The following PELP1 variants were observed in gnomAD, a reference collection of about 807,000 sequenced individuals.
PELP1 encodes proline-, glutamic acid- and leucine-rich protein 1.
In PELP1, 32 loss-of-function variants were observed where a neutral mutation model predicts 95.5. That is an observed-to-expected ratio of 0.34 (90% confidence interval 0.25 to 0.45). PELP1 has a LOEUF of 0.45. Ranked by LOEUF, PELP1 falls within the 20% of genes least tolerant of loss-of-function variation. The pLI is 1.00. For missense variants in PELP1, 1,358 were observed against 1,444.8 expected (o/e 0.94, Z 0.97); for synonymous variants, 668 against 600.1 (o/e 1.11, Z -1.65).
chr17:4,698,391 G>C (rs1403507448), intron 1 of PELP1, among the ~76,000 whole-genome samples: 1 of 151,796 alleles, frequency 6.6e-6, no homozygotes, highest in Non-Finnish European at 1.5e-5. Context: ...CCAGCACTTC[G>C]GGAGGACAAC....
rs776262490 is a variant in PELP1, at chr17:4,676,125, C to T, written c.891G>A (p.Leu297=). The T allele has an allele frequency of 1.2e-6, 2 of 1,614,006 alleles. No individual in the cohort carries two copies. Among genetic ancestry groups the T allele is most frequent in the South Asian group, 1.1e-5 (1 of 91,086 alleles). Residue 297 remains leucine, a synonymous_variant, in exon 8 of 17, where the codon CTG becomes CTA. Transcript: ENST00000572293. The part of the protein sequence containing the change: ...VQNEGPGVEM[L]LSSEDGDAHV... ...GGGCATCACCATCTTCTGAGGACAG[C>T]AGCATCTCCACCCCAGGGCCTTCAT...
Position 4,674,512 on chromosome 17 carries a change from CT to C in PELP1, c.1579del (p.Arg527GlufsTer39). On this transcript the variant is annotated frameshift_variant, in exon 13 of 17. Transcript: ENST00000572293. LOFTEE classifies it high-confidence loss of function. ...ANSDVCAAAL[R>X]GLSRTILMCG... ...TCCAGGGCACAGGCCTCACCCACCT[CT>C]GAGTGCAGCCGCACACACGTCGCTG... 1 of 1,612,296 alleles carries C rather than the reference CT, an allele frequency of 6.2e-7. No individual in the cohort carries two copies. Among genetic ancestry groups the C allele is most frequent in the Non-Finnish European group, 8.5e-7 (1 of 1,179,302 alleles).
Position 4,694,310 on chromosome 17 carries a change from C to T in PELP1, c.250-2868G>A, listed in dbSNP as rs182661124. 3.6e-4 allele frequency among the ~76,000 whole-genome samples: 54 copies of T among 151,782 alleles called. No homozygotes were observed. The East Asian group carries it at 9.5e-3, about 27-fold the overall frequency. On this transcript the variant is annotated intron_variant, in intron 1 of 16. Coordinates refer to ENST00000572293, the MANE Select transcript of PELP1 (RefSeq NM_014389.3). ...TTCCAAAACTGAGCACAGCAATGAC[C>T]GCACAACTCTGCAAATATACTAAAT...
chr17:4,684,963 T>C (rs1311634865), intron 3 of PELP1, among the ~76,000 whole-genome samples: 1 of 152,174 alleles, frequency 6.6e-6, no homozygotes, highest in Non-Finnish European at 1.5e-5. Flanking sequence ...CCTCCCAAAG[T>C]GCTGGGATTA....
Position 4,675,737 on chromosome 17 carries a change from C to G in PELP1, c.1068+60G>C, listed in dbSNP as rs778045966. ...TTTGGGGAGACTCAGGTCCCCAGTACTTTCCTGGTTGCCTGGTATCCTGAG... is the reference window on the plus strand; with the variant it reads ...TTTGGGGAGACTCAGGTCCCCAGTAGTTTCCTGGTTGCCTGGTATCCTGAG... On this transcript the variant is annotated intron_variant, in intron 9 of 16. Coordinates refer to ENST00000572293, the MANE Select transcript of PELP1 (RefSeq NM_014389.3). This position sits in a 1 kb window ranked among gnomAD's most constrained non-coding sequence, Gnocchi z 4.3. The G allele has an allele frequency of 1.6e-6, 2 of 1,249,830 alleles. No individual in the cohort carries two copies. The highest frequency in any genetic ancestry group is 2.3e-6 in the Non-Finnish European group (2 of 870,942). The allele number at this position is 1,249,830 out of a possible 1,614,324, so 77.4% of individuals were successfully genotyped here.
In PELP1 at chr17:4,673,855, G is replaced by T; in HGVS notation, c.1583-181C>A. ...ACCTCTACTGTATAGGGCCACTGAC[G>T]GTATTTAATTGAGACAATGTAAGTA... On this transcript the variant is annotated intron_variant, in intron 13 of 16. Transcript: ENST00000572293. This position sits in a 1 kb window ranked among gnomAD's most constrained non-coding sequence, Gnocchi z 5.7. 1 of 581,642 alleles carries T rather than the reference G, an allele frequency of 1.7e-6. No homozygotes were observed. The highest frequency in any genetic ancestry group is 2.4e-5 in the South Asian group (1 of 41,438). The allele number at this position is 581,642 out of a possible 1,614,324, so 36.0% of individuals were successfully genotyped here.
chr17:4,672,521 G>A lies in PELP1; in HGVS notation c.2470C>T (p.Pro824Ser), dbSNP rs1221396189. Residue 824 changes from proline (P) to serine (S), a missense_variant, in exon 16 of 17, where the codon CCA becomes TCA. Physicochemically the swap from Pro to Ser is moderately conservative, Grantham distance 74 (BLOSUM62 -1). Around this residue, in one of 7 missense-constraint regions of PELP1, gnomAD observed 340 missense variants for 322.9 expected, o/e 1.05. Coordinates refer to ENST00000572293, the MANE Select transcript of PELP1 (RefSeq NM_014389.3). ...TGPPTASPPV[P>S]AKEEPEELPA... ...AGTTCTTCAGGCTCCTCCTTCGCTG[G>A]CACAGGAGGGGAGGCTGTTGGTGGC... 3.0e-5 allele frequency: 43 copies of A among 1,430,334 alleles called. No individual in the cohort carries two copies. The highest frequency in any genetic ancestry group is 3.9e-5 in the Non-Finnish European group (42 of 1,072,256). The allele number at this position is 1,430,334 out of a possible 1,614,324, so 88.6% of individuals were successfully genotyped here. A position where few individuals can be genotyped will look rare whatever the true frequency, so the allele number is the denominator to read the frequency against.
At position 4,683,829 on chromosome 17, in the gene PELP1, C is replaced by CTTTT. The variant is rs994295435; in HGVS notation, c.421-881_421-878dup. Reference sequence around the variant, plus strand: ...ACAGGCGTGAGCCACAGTGCCCAGCCTTTTTTTTTTTTTTTTTTTTTTTTT... The same window carrying CTTTT: ...ACAGGCGTGAGCCACAGTGCCCAGCCTTTTTTTTTTTTTTTTTTTTTTTTTTTTT... On this transcript the variant is annotated intron_variant, in intron 3 of 16. Transcript: ENST00000572293. Among the ~76,000 whole-genome samples the CTTTT allele has an allele frequency of 7.7e-5, 7 of 91,294 alleles. 1 individual carries two copies. The highest frequency in any genetic ancestry group is 1.2e-4 in the Admixed American group (1 of 8,428). 59.9% of individuals were successfully genotyped at this position (91,294 alleles called of 152,430 possible). A position where few individuals can be genotyped will look rare whatever the true frequency, so the allele number is the denominator to read the frequency against.
At chr17:4,687,188 G>C (rs1283370011) in intron 3 of PELP1, among the ~76,000 whole-genome samples, 5 of 152,164 alleles carry the variant, frequency 3.3e-5, no homozygotes, top group African/African-American at 1.2e-4. Flanking sequence ...AAGAACTATA[G>C]TCTTTACCTC....
At chr17:4,695,694 T>G (rs1020680639) in intron 1 of PELP1, among the ~76,000 whole-genome samples, 1 of 109,442 alleles carries the variant, frequency 9.1e-6, no homozygotes, top group Admixed American at 9.4e-5. Context: ...AAAAAAAAAA[T>G]CTGGCAGGGG....
At position 4,674,839 on chromosome 17, in the gene PELP1, G is replaced by A. The variant is rs73332467; in HGVS notation, c.1392C>T (p.Ser464=). Residue 464 remains serine, a synonymous_variant, in exon 12 of 17, where the codon AGC becomes AGT. Coordinates refer to ENST00000572293, the MANE Select transcript of PELP1 (RefSeq NM_014389.3). ...GGGCATCAGCTGGCGGGGAGATGTC[G>A]CTGAGCAGGTGGGTGAGCAGGGCCT... is the stretch of plus-strand genomic sequence containing the variant. ...SGEALLTHLL[S]DISPPADALK... The A allele has an allele frequency of 3.0e-5, 48 of 1,612,966 alleles. No homozygotes were observed. The highest frequency in any genetic ancestry group is 2.0e-4 in the African/African-American group (15 of 75,028).
chr17:4,692,249 C>T (rs867688554), intron 1 of PELP1, among the ~76,000 whole-genome samples: 8 of 151,890 alleles, frequency 5.3e-5, no homozygotes, highest in African/African-American at 1.7e-4. Context: ...AGGCGGATCA[C>T]GAGGTCAGGA....
At chr17:4,696,140 C>T (rs1567668569) in intron 1 of PELP1, among the ~76,000 whole-genome samples, 1 of 151,668 alleles carries the variant, frequency 6.6e-6, no homozygotes, top group Non-Finnish European at 1.5e-5. Flanking sequence ...TCAGCCTGTG[C>T]AACCGAGGGA....
intron 3 of PELP1, among the ~76,000 whole-genome samples, chr17:4,683,428 G>A (rs376818526): frequency 1.3e-5 from 2 of 151,266 alleles, no homozygotes; most frequent in South Asian, 2.1e-4. Flanking sequence ...CACTATGTTA[G>A]CCAGGATGGT....
rs758837077 is a variant in PELP1 at position 4,674,573 on chromosome 17, G to T, written c.1519C>A (p.Pro507Thr). 3.7e-6 allele frequency: 6 copies of T among 1,611,926 alleles called. No homozygotes were observed. Among genetic ancestry groups the T allele is most frequent in the Non-Finnish European group, 5.1e-6 (6 of 1,179,328 alleles). Residue 507 changes from proline to threonine, a missense_variant, in exon 13 of 17, where the codon CCG (proline) becomes ACG (threonine). Physicochemically the swap from Pro to Thr is conservative, Grantham distance 38. Transcript: ENST00000572293. The stretch of plus-strand genomic sequence containing the variant: ...CTATCCCCTTTCCGGTGGCTTGGCG[G>T]GGCCATAGCTTCCCCCACATCCAGC... ...LKLDVGEAMA[P>T]PSHRKGDSNA...
chr17:4,675,479 A>C lies in PELP1; in HGVS notation c.1069-117T>G, dbSNP rs1346507536. 1.3e-6 allele frequency: 1 copy of C among 745,900 alleles called. No individual in the cohort carries two copies. The highest frequency in any genetic ancestry group is 2.4e-6 in the Non-Finnish European group (1 of 423,742). The allele number at this position is 745,900 out of a possible 1,614,324, so 46.2% of individuals were successfully genotyped here. A position where few individuals can be genotyped will look rare whatever the true frequency, so the allele number is the denominator to read the frequency against. On this transcript the variant is annotated intron_variant, in intron 9 of 16. Transcript: ENST00000572293. This position sits in a 1 kb window ranked among gnomAD's most constrained non-coding sequence, Gnocchi z 4.3. Reference sequence around the variant, plus strand: ...ACATAGGTAAGAAACCCAACCCCTGATCTCAGCTCTCCCAACAAAATCAAA... The same window carrying C: ...ACATAGGTAAGAAACCCAACCCCTGCTCTCAGCTCTCCCAACAAAATCAAA...
intron 1 of PELP1, among the ~76,000 whole-genome samples, chr17:4,701,218 A>G (rs754558724): frequency 4.3e-4 from 65 of 152,122 alleles, no homozygotes; most frequent in Non-Finnish European, 8.2e-4. Flanking sequence ...ATAAATAAAC[A>G]GACAGTAGGA....
rs1254951939 is a variant in PELP1, at chr17:4,676,383, C to T, written c.827G>A (p.Gly276Glu). 1 of 1,613,688 alleles carries T rather than the reference C, an allele frequency of 6.2e-7. No individual in the cohort carries two copies. The highest frequency in any genetic ancestry group is 1.7e-5 in the Admixed American group (1 of 60,006). Residue 276 changes from glycine to glutamate, a missense_variant, in exon 7 of 17, where the codon GGG (glycine) becomes GAG (glutamate). By Grantham distance (98) the Gly-to-Glu change is moderately conservative. Around this residue, in one of 7 missense-constraint regions of PELP1, gnomAD observed 538 missense variants for 628.1 expected, o/e 0.86. Transcript: ENST00000572293. ...SLLASLHTLL[G>E]ALYEGAETAP... ...AGTCTCTGCTCCCTCGTACAGGGCCCCCAGCAGGGTGTGCAGTGAGGCCAG... is the reference window on the plus strand; with the variant it reads ...AGTCTCTGCTCCCTCGTACAGGGCCTCCAGCAGGGTGTGCAGTGAGGCCAG...
intron 13 of PELP1, among the ~76,000 whole-genome samples, chr17:4,674,048 G>A (rs1003644779): frequency 3.0e-4 from 46 of 152,226 alleles, no homozygotes; most frequent in African/African-American, 1.1e-3. Context: ...AGTGGTTACG[G>A]TGAGAGCAGG....
Sources: allele counts gnomAD v4.1 joint callset (sites outside exome capture counted in the v4.1 genomes callset), GRCh38; gene constraint gnomAD v4.1.1; regional missense constraint gnomAD v4.1.1; non-coding constraint Gnocchi (gnomAD v3.1); transcripts MANE v1.5; gene names NCBI Gene and HGNC (gene_info 2026-07-23, HGNC 2026-07-21).